Variants in DHX38 observed in about 807,000 individuals in gnomAD.
DHX38 encodes the protein pre-mRNA-splicing factor ATP-dependent RNA helicase PRP16.
A neutral mutation model predicts 153.1 loss-of-function variants in DHX38; 100 were observed. The ratio of observed to expected loss-of-function variants is 0.65; its 90% confidence interval spans 0.56 to 0.77. The LOEUF (loss-of-function observed/expected upper bound fraction) is 0.77. Ranked by LOEUF, DHX38 falls within the 30% of genes least tolerant of loss-of-function variation. DHX38 has a pLI of 0.00. For missense variants in DHX38, 1,440 were observed against 1,654.0 expected (o/e 0.87, Z 2.24); for synonymous variants, 650 against 631.7 (o/e 1.03, Z -0.43).
intron 1 of DHX38, 116 bp downstream of exon 1, chr16:72,094,167 C>T (rs1393002571): frequency 6.5e-6 from 1 of 152,906 alleles, no homozygotes; most frequent in African/African-American, 2.4e-5. Flanking sequence ...CCTCTGTCGT[C>T]CCTGTCACCC....
Position 72,107,323 on chromosome 16 carries a change from G to C in DHX38, c.2601-17G>C, listed in dbSNP as rs747967913. 1.9e-6 allele frequency: 3 copies of C among 1,596,408 alleles called. No individual in the cohort carries two copies. Among genetic ancestry groups the C allele is most frequent in the Non-Finnish European group, 2.6e-6 (3 of 1,175,430 alleles). On this transcript the variant is annotated splice_polypyrimidine_tract_variant and intron_variant, in intron 19 of 26. Transcript: ENST00000268482. This position sits in a 1 kb window ranked among gnomAD's most constrained non-coding sequence, Gnocchi z 5.3. Reference sequence around the variant, plus strand: ...GGGTTTCCTTGTGGTGAGAAGATGGGGTCTTCTCCCCGGCAGGCTCTACAC... The same window carrying C: ...GGGTTTCCTTGTGGTGAGAAGATGGCGTCTTCTCCCCGGCAGGCTCTACAC...
chr16:72,097,756 C>T lies in DHX38; in HGVS notation c.591C>T (p.Pro197=), dbSNP rs763901646. ...AGCGTAGCAGCAGAAGAAATGAACC[C>T]GAGAGCCCACGACATCGACCTAAAG... ...GSERSSRRNE[P]ESPRHRPKDA... The change falls in exon 4 of 27, where the codon CCC becomes CCT. Residue 197 remains proline (P), a synonymous_variant. Coordinates refer to ENST00000268482, the MANE Select transcript of DHX38 (RefSeq NM_014003.4). 49 of 1,613,728 alleles carry T rather than the reference C, an allele frequency of 3.0e-5. 1 individual carries two copies. Among genetic ancestry groups the T allele is most frequent in the South Asian group, 1.6e-4 (15 of 91,026 alleles).
rs990609452 is a variant in DHX38 at position 72,108,098 on chromosome 16, G to T, written c.2965-129G>T. On this transcript the variant is annotated intron_variant, in intron 21 of 26. Transcript: ENST00000268482. ...AAATTATTTTAATTTTTCTCAAATT[G>T]TCAGGGCAACCTATTGACATGTTTG... 9.6e-6 allele frequency: 11 copies of T among 1,150,758 alleles called. No individual in the cohort carries two copies. The Admixed American group carries it at 2.5e-4, about 26-fold the overall frequency. 71.3% of individuals were successfully genotyped at this position (1,150,758 alleles called of 1,614,324 possible).
chr16:72,098,096 A>G (rs769317732), intron 4 of DHX38, among the ~76,000 whole-genome samples: 9 of 152,224 alleles, frequency 5.9e-5, no homozygotes, highest in Non-Finnish European at 1.0e-4. Context: ...TTGTAGAGAT[A>G]AAGTAAATAT....
At chr16:72,108,412 A>G (rs1341596159) in intron 22 of DHX38, 30 bp downstream of exon 22, 2 of 1,613,628 alleles carry the variant, frequency 1.2e-6, no homozygotes, top group Admixed American at 1.7e-5. Flanking sequence ...GGATGTTGGG[A>G]TGAGGGGAGG....
intron 26 of DHX38, among the ~76,000 whole-genome samples, chr16:72,111,732 T>A (rs2042259517): frequency 6.6e-6 from 1 of 152,208 alleles, no homozygotes; most frequent in African/African-American, 2.4e-5. Flanking sequence ...CATGACAGTA[T>A]GACAGGTTAT....
chr16:72,100,067 C>T (rs781595902), intron 8 of DHX38, among the ~76,000 whole-genome samples, 180 bp downstream of exon 8: 5 of 152,058 alleles, frequency 3.3e-5, no homozygotes, highest in East Asian at 1.9e-4. Context: ...AGGAAAGCCC[C>T]GGCTCGTACT....
In DHX38 at chr16:72,107,230, A is replaced by T; in HGVS notation, c.2601-110A>T. 1 of 1,143,574 alleles carries T rather than the reference A, an allele frequency of 8.7e-7. No individual in the cohort carries two copies. Among genetic ancestry groups the T allele is most frequent in the Non-Finnish European group, 1.2e-6 (1 of 810,774 alleles). 70.8% of individuals were successfully genotyped at this position (1,143,574 alleles called of 1,614,324 possible). A position where few individuals can be genotyped will look rare whatever the true frequency, so the allele number is the denominator to read the frequency against. On this transcript the variant is annotated intron_variant, in intron 19 of 26. Coordinates refer to ENST00000268482, the MANE Select transcript of DHX38 (RefSeq NM_014003.4). This position sits in a 1 kb window ranked among gnomAD's most constrained non-coding sequence, Gnocchi z 5.3. ...GTGGAAGTCAGTGATTCACTGAAGT[A>T]GTGGGTGGGGAGAAGAAATGAGAAT...
intron 9 of DHX38, among the ~76,000 whole-genome samples, chr16:72,100,868 A>G (rs2042090284): frequency 6.6e-6 from 1 of 152,238 alleles, no homozygotes; most frequent in South Asian, 2.1e-4. Flanking sequence ...CAGAACCTGC[A>G]GTGAGCAGAG....
chr16:72,098,640 C>G lies in DHX38; in HGVS notation c.617-5C>G. The G allele has an allele frequency of 6.2e-7, 1 of 1,613,578 alleles. No homozygotes were observed. The highest frequency in any genetic ancestry group is 8.5e-7 in the Non-Finnish European group (1 of 1,179,584). ...TTTCCTGTGGATGTGTCTTTTGTGG[C>G]CCAGATGCAGCCACCCCTTCAAGGT... On this transcript the variant is annotated splice_polypyrimidine_tract_variant and splice_region_variant and intron_variant, in intron 4 of 26. Coordinates refer to ENST00000268482, the MANE Select transcript of DHX38 (RefSeq NM_014003.4).
Position 72,104,197 on chromosome 16 carries a change from T to C in DHX38, c.2010+66T>C. 6.4e-7 allele frequency: 1 copy of C among 1,571,502 alleles called. No homozygotes were observed. The highest frequency in any genetic ancestry group is 8.7e-7 in the Non-Finnish European group (1 of 1,153,360). On this transcript the variant is annotated intron_variant, in intron 14 of 26. Coordinates refer to ENST00000268482, the MANE Select transcript of DHX38 (RefSeq NM_014003.4). The surrounding 1 kb of genome is among the most constrained non-coding windows in gnomAD (Gnocchi z 4.5). ...TGACCAGTGCACCACCAGTAGCTAG[T>C]GGGTTGCTCCAGGTGGGCTGAGGGG... is the stretch of plus-strand genomic sequence containing the variant.
chr16:72,112,540 C>G lies in DHX38; in HGVS notation c.*43C>G, dbSNP rs1331281925. ...AGAGGATGGCAGCAGGTATTGGGTC[C>G]TCAGCCTTCTGGCGGGAGCCCTGAG... On this transcript the variant is annotated 3_prime_UTR_variant, in exon 27 of 27. Coordinates refer to ENST00000268482, the MANE Select transcript of DHX38 (RefSeq NM_014003.4). The G allele has an allele frequency of 1.2e-6, 2 of 1,603,856 alleles. No homozygotes were observed. Among genetic ancestry groups the G allele is most frequent in the Non-Finnish European group, 1.7e-6 (2 of 1,175,004 alleles).
chr16:72,097,846 C>CGAGA, intron 4 of DHX38, 65 bp downstream of exon 4: 9 of 1,213,236 alleles, frequency 7.4e-6, no homozygotes, highest in Non-Finnish European at 1.0e-5. Flanking sequence ...GAGTGACTCT[C>CGAGA]GTCTTCAGTG....
At position 72,096,869 on chromosome 16, in the gene DHX38, T is replaced by C; in HGVS notation, c.371T>C (p.Val124Ala). 6.2e-7 allele frequency: 1 copy of C among 1,613,922 alleles called. No individual in the cohort carries two copies. The change falls in exon 3 of 27, where the codon GTG (valine) becomes GCG (alanine). Residue 124 changes from valine to alanine, a missense_variant. Val to Ala is a moderately conservative substitution (Grantham distance 64, BLOSUM62 0). This residue lies in a region of DHX38 where 483 missense variants were observed against 465.1 expected (regional missense o/e 1.04). Coordinates refer to ENST00000268482, the MANE Select transcript of DHX38 (RefSeq NM_014003.4). ...RVETPSHPGGVSEEFWERSRQ... is the reference protein window; with the variant it reads ...RVETPSHPGGASEEFWERSRQ... ...GAGACTCCATCCCATCCGGGTGGTG[T>C]GAGCGAAGAGTTTTGGGAACGCAGT... is the stretch of plus-strand genomic sequence containing the variant.
rs750287931 is a variant in DHX38, at chr16:72,104,488, A to T, written c.2013A>T (p.Val671=). Residue 671 remains valine (V), a splice_region_variant and synonymous_variant, in exon 15 of 27, where the codon GTA becomes GTT. Transcript: ENST00000268482. This position sits in a 1 kb window ranked among gnomAD's most constrained non-coding sequence, Gnocchi z 4.5. Reference sequence around the variant, plus strand: ...CTCCGAGCCGCCTCTTCTCTCAGGTAGTGGCTCGGCGCTCAGACCTGAAGC... The same window carrying T: ...CTCCGAGCCGCCTCTTCTCTCAGGTTGTGGCTCGGCGCTCAGACCTGAAGC... The part of the protein sequence containing the change: ...TDVLFGLLRE[V]VARRSDLKLI... The T allele has an allele frequency of 6.2e-7, 1 of 1,613,604 alleles. No homozygotes were observed. Among genetic ancestry groups the T allele is most frequent in the Non-Finnish European group, 8.5e-7 (1 of 1,179,990 alleles).
chr16:72,101,233 T>C (rs757149252), intron 10 of DHX38, 40 bp downstream of exon 10: 23 of 1,607,412 alleles, frequency 1.4e-5, no homozygotes, highest in East Asian at 2.2e-5. Context: ...TTTATGTGTA[T>C]TTTTTTCTTT....
Position 72,112,870 on chromosome 16 carries a change from T to TAA in DHX38, c.*374_*375dup, listed in dbSNP as rs2042276832. On this transcript the variant is annotated 3_prime_UTR_variant, in exon 27 of 27. Transcript: ENST00000268482. ...CCTAAAGGGAATTGTAATTTGGTTATAATTCAGGATTTGGAAATAAATTTA... is the reference window on the plus strand; with the variant it reads ...CCTAAAGGGAATTGTAATTTGGTTATAAAATTCAGGATTTGGAAATAAATTTA... 5.7e-6 allele frequency: 4 copies of TAA among 696,920 alleles called. No individual in the cohort carries two copies. The highest frequency in any genetic ancestry group is 7.8e-6 in the Non-Finnish European group (3 of 382,854). 43.2% of individuals were successfully genotyped at this position (696,920 alleles called of 1,614,324 possible).
At chr16:72,103,481 C>T in intron 12 of DHX38, 121 bp from the exon 13 acceptor site, 2 of 1,179,508 alleles carry the variant, frequency 1.7e-6, no homozygotes, top group Non-Finnish European at 2.4e-6. Context: ...ATTCTCCCTT[C>T]TAAACCGGCA....
intron 10 of DHX38, 82 bp downstream of exon 10, chr16:72,101,275 C>T: frequency 6.7e-7 from 1 of 1,485,800 alleles, no homozygotes; most frequent in Non-Finnish European, 9.3e-7. Flanking sequence ...ACTAGGCCCA[C>T]AGATAGAAGT....
Sources: gnomAD v4.1 joint callset for allele counts (sites outside exome capture counted in the v4.1 genomes callset) on GRCh38, gnomAD v4.1.1 for gene constraint, gnomAD v4.1.1 regional missense constraint, Gnocchi (gnomAD v3.1) non-coding constraint, MANE v1.5 for transcripts, NCBI Gene and HGNC (gene_info 2026-07-23, HGNC 2026-07-21) for gene names.